NRG3: variants seen among roughly 807,000 people sequenced by gnomAD.
NRG3 encodes the protein pro-neuregulin-3, membrane-bound isoform.
A neutral mutation model predicts 66.9 loss-of-function variants in NRG3; 31 were observed. The ratio of observed to expected loss-of-function variants is 0.46; its 90% confidence interval spans 0.35 to 0.63. The LOEUF (loss-of-function observed/expected upper bound fraction) is 0.63. Among genes scored for constraint, NRG3 ranks in the 20% least tolerant of loss-of-function variants. The probability of loss-of-function intolerance (pLI) is 0.00; values close to 1 mark genes in which losing one functional copy is unlikely to be tolerated. For missense variants in NRG3, 910 were observed against 878.9 expected (o/e 1.04, Z -0.45); for synonymous variants, 393 against 359.4 (o/e 1.09, Z -1.06).
intron 1 of NRG3, among the ~76,000 whole-genome samples, chr10:81,944,089 C>T (rs1271524549): frequency 6.6e-6 from 1 of 152,214 alleles, no homozygotes; most frequent in African/African-American, 2.4e-5. Flanking sequence ...TGAGTGATTT[C>T]TGTTCACCAG....
At chr10:82,400,468 T>C (rs2087009628) in intron 2 of NRG3, among the ~76,000 whole-genome samples, 1 of 152,182 alleles carries the variant, frequency 6.6e-6, no homozygotes, top group Non-Finnish European at 1.5e-5. Flanking sequence ...GTTCTCTGTT[T>C]TTAACAAGCT....
At chr10:82,378,563 T>C in intron 2 of NRG3, among the ~76,000 whole-genome samples, 1 of 151,986 alleles carries the variant, frequency 6.6e-6, no homozygotes, top group Non-Finnish European at 1.5e-5. Context: ...TACTCTCTTC[T>C]CTTTTTTCTT....
At chr10:82,861,705 C>T (rs1011360053) in intron 3 of NRG3, among the ~76,000 whole-genome samples, 3 of 152,138 alleles carry the variant, frequency 2.0e-5, no homozygotes, top group African/African-American at 7.2e-5. Flanking sequence ...CAATTCTGAG[C>T]CATCTCAGCT....
chr10:82,056,700 G>A (rs1172194655), intron 1 of NRG3, among the ~76,000 whole-genome samples: 1 of 152,092 alleles, frequency 6.6e-6, no homozygotes, highest in East Asian at 1.9e-4. Flanking sequence ...CTGAGTTTTT[G>A]TTTAAATAGA....
At chr10:82,908,687 T>G (rs994398974) in intron 4 of NRG3, among the ~76,000 whole-genome samples, 2 of 152,236 alleles carry the variant, frequency 1.3e-5, no homozygotes, top group African/African-American at 4.8e-5. Flanking sequence ...TCCAGGTGCA[T>G]GTACTATGGA....
chr10:82,798,813 A>G (rs963487573), intron 3 of NRG3, among the ~76,000 whole-genome samples: 5 of 152,178 alleles, frequency 3.3e-5, no homozygotes, highest in Non-Finnish European at 1.5e-5. Flanking sequence ...TTTTTAATGC[A>G]TTTTGTAATC....
chr10:82,900,923 C>G (rs746417172), intron 4 of NRG3, among the ~76,000 whole-genome samples: 1 of 152,068 alleles, frequency 6.6e-6, no homozygotes, highest in Non-Finnish European at 1.5e-5. Flanking sequence ...ATTGGTCCTG[C>G]TAAGCAGTAT....
chr10:82,330,094 T>C (rs553373347), intron 1 of NRG3, among the ~76,000 whole-genome samples: 19 of 152,348 alleles, frequency 1.2e-4, no homozygotes, highest in South Asian at 4.1e-4. Context: ...CCAAAATCTG[T>C]GTCTGTAGTT....
intron 1 of NRG3, among the ~76,000 whole-genome samples, chr10:82,266,850 A>G (rs2078324825): frequency 6.6e-6 from 1 of 152,188 alleles, no homozygotes; most frequent in African/African-American, 2.4e-5. Flanking sequence ...ATAGCAGGTT[A>G]TGGATCCTGA....
At chr10:82,773,272 T>C (rs1426112633) in intron 3 of NRG3, among the ~76,000 whole-genome samples, 1 of 152,178 alleles carries the variant, frequency 6.6e-6, no homozygotes, top group Non-Finnish European at 1.5e-5. Flanking sequence ...TTTTAGGTCA[T>C]AGCCATTCTA....
At chr10:81,957,955 A>G (rs1182251634) in intron 1 of NRG3, among the ~76,000 whole-genome samples, 2 of 152,226 alleles carry the variant, frequency 1.3e-5, no homozygotes, top group African/African-American at 4.8e-5. Context: ...TTCTAAAATA[A>G]GTGAGGGCAC....
At chr10:82,124,565 G>T (rs774298657) in intron 1 of NRG3, among the ~76,000 whole-genome samples, 2 of 151,726 alleles carry the variant, frequency 1.3e-5, no homozygotes, top group Non-Finnish European at 1.5e-5. Context: ...GGGCCTGTCG[G>T]GGGGTGGAGG....
intron 1 of NRG3, among the ~76,000 whole-genome samples, chr10:82,339,467 T>C (rs922825215): frequency 6.6e-6 from 1 of 151,954 alleles, no homozygotes; most frequent in African/African-American, 2.4e-5. Context: ...AACCATCAGA[T>C]CTTGTGAGAA....
At chr10:82,141,829 TC>T (rs1216030912) in intron 1 of NRG3, among the ~76,000 whole-genome samples, 1 of 152,204 alleles carries the variant, frequency 6.6e-6, no homozygotes, top group African/African-American at 2.4e-5. Context: ...ATGTGTGAAC[TC>T]CTAAGTTGCC....
intron 3 of NRG3, among the ~76,000 whole-genome samples, chr10:82,778,766 T>A (rs927727526): frequency 1.3e-5 from 2 of 151,858 alleles, no homozygotes; most frequent in African/African-American, 4.8e-5. Context: ...GGCACTGAGG[T>A]TACACTGCTC....
At chr10:82,953,974 T>C (rs1254471277) in intron 5 of NRG3, among the ~76,000 whole-genome samples, 1 of 144,268 alleles carries the variant, frequency 6.9e-6, no homozygotes, top group South Asian at 2.2e-4. Flanking sequence ...AAAAAAACAA[T>C]GCAATCACAG....
At chr10:82,335,386 G>T (rs570421997) in intron 1 of NRG3, among the ~76,000 whole-genome samples, 1 of 152,038 alleles carries the variant, frequency 6.6e-6, no homozygotes, top group Non-Finnish European at 1.5e-5. Flanking sequence ...CCTACTAAAC[G>T]AGGTAATGTT....
intron 2 of NRG3, among the ~76,000 whole-genome samples, chr10:82,674,142 A>G (rs1039716823): frequency 1.3e-5 from 2 of 152,174 alleles, no homozygotes; most frequent in African/African-American, 4.8e-5. Flanking sequence ...TGGCAAAATT[A>G]GACAAAGCAA....
At chr10:82,454,378 A>G (rs181334106) in intron 2 of NRG3, among the ~76,000 whole-genome samples, 1 of 152,356 alleles carries the variant, frequency 6.6e-6, no homozygotes, top group East Asian at 1.9e-4. Flanking sequence ...GAGGAAGAAT[A>G]GAACAGGATA....
Sources: gnomAD v4.1 joint callset for allele counts (sites outside exome capture counted in the v4.1 genomes callset) on GRCh38, gnomAD v4.1.1 for gene constraint, MANE v1.5 for transcripts, NCBI Gene and HGNC (gene_info 2026-07-23, HGNC 2026-07-21) for gene names.